MRPS28: variants seen among roughly 807,000 people sequenced by gnomAD.
MRPS28 encodes the protein small ribosomal subunit protein bS1m.
Under a neutral mutation model 10.8 loss-of-function variants are expected in MRPS28, and 7 were observed. The observed-to-expected ratio is 0.65, with a 90% confidence interval of 0.37 to 1.22. MRPS28 has a LOEUF of 1.22. Among genes scored for constraint, MRPS28 ranks in the 50% most tolerant of loss-of-function variants. The pLI is 0.02. For synonymous variants in MRPS28, 121 were observed against 93.3 expected (o/e 1.30, Z -1.71); for missense variants, 265 against 232.9 (o/e 1.14, Z -0.90).
At chr8:79,992,818 G>C (rs1346425210) in intron 2 of MRPS28, among the ~76,000 whole-genome samples, 1 of 152,164 alleles carries the variant, frequency 6.6e-6, no homozygotes, top group East Asian at 1.9e-4. Flanking sequence ...GTTATTTAAA[G>C]TATCTCTGTA....
intron 2 of MRPS28, among the ~76,000 whole-genome samples, chr8:79,987,562 A>G (rs1431621535): frequency 6.6e-6 from 1 of 152,194 alleles, no homozygotes; most frequent in African/African-American, 2.4e-5. Context: ...TCTACAATGA[A>G]CTCAAACAAA....
rs563625481 is a variant in MRPS28 at position 80,013,797 on chromosome 8, C to G, written c.214-10617G>C. Among the ~76,000 whole-genome samples the G allele has an allele frequency of 1.2e-4, 18 of 152,136 alleles. 1 individual carries two copies. The highest frequency in any genetic ancestry group is 4.1e-4 in the African/African-American group (17 of 41,520). Reference sequence around the variant, plus strand: ...ACTTCTATTAACCGTGCTATAATAACTTTTGTTTCTTTAACACTAACCAAT... The same window carrying G: ...ACTTCTATTAACCGTGCTATAATAAGTTTTGTTTCTTTAACACTAACCAAT... On this transcript the variant is annotated intron_variant, in intron 1 of 2. Coordinates refer to ENST00000276585, the MANE Select transcript of MRPS28 (RefSeq NM_014018.3).
chr8:79,956,728 T>C (rs78654615), intron 2 of MRPS28: 1 of 152,192 alleles, frequency 6.6e-6, no homozygotes, highest in Non-Finnish European at 1.5e-5. Context: ...GGTGAGAACA[T>C]GCAGTATTTG....
chr8:80,021,456 G>A (rs184348089), intron 1 of MRPS28, among the ~76,000 whole-genome samples: 107 of 152,304 alleles, frequency 7.0e-4, no homozygotes, highest in African/African-American at 2.2e-3. Flanking sequence ...TACAAAAGGA[G>A]ACTGGACAGT....
intron 2 of MRPS28, among the ~76,000 whole-genome samples, chr8:79,989,282 T>C (rs990002791): frequency 2.0e-5 from 3 of 152,216 alleles, no homozygotes; most frequent in Admixed American, 1.3e-4. Context: ...CAGGGAGTAT[T>C]AGCTTGAATC....
chr8:80,007,720 G>A lies in MRPS28; in HGVS notation c.214-4540C>T, dbSNP rs543690654. Among the ~76,000 whole-genome samples, 19 of 152,196 alleles carry A rather than the reference G, an allele frequency of 1.2e-4. No individual in the cohort carries two copies. The East Asian group carries it at 3.5e-3, about 28-fold the overall frequency. On this transcript the variant is annotated intron_variant, in intron 1 of 2. Transcript: ENST00000276585. ...CCTAGGAATCCAACTTACAAGGGAC[G>A]TGAAGGACCTCTTCAAGGAGAACTA...
intron 2 of MRPS28, among the ~76,000 whole-genome samples, chr8:79,994,716 C>G (rs1442520776): frequency 6.6e-6 from 1 of 152,128 alleles, no homozygotes; most frequent in Non-Finnish European, 1.5e-5. Flanking sequence ...AAAGTTGACC[C>G]ACGTTCCTTG....
At chr8:80,014,268 T>C (rs1486541761) in intron 1 of MRPS28, among the ~76,000 whole-genome samples, 2 of 152,194 alleles carry the variant, frequency 1.3e-5, no homozygotes, top group Non-Finnish European at 1.5e-5. Context: ...TATCTGGTAA[T>C]AGGCATGTAT....
intron 2 of MRPS28, among the ~76,000 whole-genome samples, chr8:79,979,380 C>T (rs1807889811): frequency 6.6e-6 from 1 of 152,158 alleles, no homozygotes; most frequent in Non-Finnish European, 1.5e-5. Flanking sequence ...CACTGATTTT[C>T]AGAGCCTTCC....
chr8:79,970,214 G>GT (rs568951052), intron 2 of MRPS28, among the ~76,000 whole-genome samples: 142 of 151,908 alleles, frequency 9.3e-4, no homozygotes, highest in Non-Finnish European at 1.5e-3. Flanking sequence ...CAGATCACGG[G>GT]TTTTTTTTAC....
intron 1 of MRPS28, among the ~76,000 whole-genome samples, chr8:80,004,009 C>A (rs1447093352): frequency 2.0e-5 from 3 of 152,170 alleles, no homozygotes; most frequent in African/African-American, 7.2e-5. Flanking sequence ...TGGGTGGAGC[C>A]CACCAAAGCT....
At chr8:79,986,490 T>G (rs1808179922) in intron 2 of MRPS28, among the ~76,000 whole-genome samples, 1 of 152,240 alleles carries the variant, frequency 6.6e-6, no homozygotes, top group Admixed American at 6.5e-5. Flanking sequence ...AACTTGTCCC[T>G]GTTTGCAGAT....
At chr8:80,004,134 A>G (rs1363325244) in intron 1 of MRPS28, among the ~76,000 whole-genome samples, 1 of 152,178 alleles carries the variant, frequency 6.6e-6, no homozygotes, top group Non-Finnish European at 1.5e-5. Flanking sequence ...CTTTGAAGAG[A>G]GTAGTGGTTC....
Position 79,995,802 on chromosome 8 carries a change from C to T in MRPS28, c.395+7197G>A, listed in dbSNP as rs114328477. The stretch of plus-strand genomic sequence containing the variant: ...CACAGAAGAGGCTGCTAGGTCCTTA[C>T]TCAAACCCTAGTTGTTCTTATTTTA... On this transcript the variant is annotated intron_variant, in intron 2 of 2. Coordinates refer to ENST00000276585, the MANE Select transcript of MRPS28 (RefSeq NM_014018.3). Among the ~76,000 whole-genome samples, 417 of 152,282 alleles carry T rather than the reference C, an allele frequency of 2.7e-3. 3 individuals are homozygous for T. Among genetic ancestry groups the T allele is most frequent in the African/African-American group, 9.3e-3 (386 of 41,546 alleles).
chr8:80,026,174 C>T (rs1191925789), intron 1 of MRPS28, among the ~76,000 whole-genome samples: 3 of 152,156 alleles, frequency 2.0e-5, no homozygotes, highest in African/African-American at 7.2e-5. Flanking sequence ...TCTCACGATA[C>T]TGTTCAATTA....
At chr8:79,934,691 T>C (rs1322912042) in intron 2 of MRPS28, among the ~76,000 whole-genome samples, 1 of 152,206 alleles carries the variant, frequency 6.6e-6, no homozygotes, top group African/African-American at 2.4e-5. Context: ...CAACATAGTA[T>C]TTATATTTAA....
chr8:80,021,169 A>AT (rs34271274), intron 1 of MRPS28, among the ~76,000 whole-genome samples: 2 of 151,982 alleles, frequency 1.3e-5, no homozygotes, highest in Non-Finnish European at 2.9e-5. Flanking sequence ...TGCCCGGCTA[A>AT]TTTTTGTATT....
chr8:79,939,274 T>A (rs1164528560), intron 2 of MRPS28, among the ~76,000 whole-genome samples: 1 of 152,228 alleles, frequency 6.6e-6, no homozygotes, highest in East Asian at 1.9e-4. Context: ...ATTCCTTAAG[T>A]CTCATCATGA....
intron 2 of MRPS28, among the ~76,000 whole-genome samples, chr8:79,982,995 C>T (rs1563533139): frequency 2.5e-5 from 2 of 79,264 alleles, no homozygotes; most frequent in South Asian, 4.5e-4. Flanking sequence ...ACCCCCGACC[C>T]CCGAGCAGCC....
Sources: allele counts gnomAD v4.1 joint callset (sites outside exome capture counted in the v4.1 genomes callset), GRCh38; gene constraint gnomAD v4.1.1; transcripts MANE v1.5; gene names NCBI Gene and HGNC (gene_info 2026-07-23, HGNC 2026-07-21).